Variants in ADGRB3 observed in about 807,000 individuals in gnomAD.
ADGRB3 encodes the protein adhesion G protein-coupled receptor B3.
A neutral mutation model predicts 193.4 loss-of-function variants in ADGRB3; 37 were observed. The ratio of observed to expected loss-of-function variants is 0.19; its 90% confidence interval spans 0.15 to 0.25. The LOEUF (loss-of-function observed/expected upper bound fraction) is 0.25, where lower values mean the gene tolerates loss of function less well. Ranked by LOEUF, ADGRB3 falls within the 10% of genes least tolerant of loss-of-function variation. ADGRB3 has a pLI of 1.00. For synonymous variants in ADGRB3, 690 were observed against 644.2 expected (o/e 1.07, Z -1.08); for missense variants, 1,637 against 1,852.9 (o/e 0.88, Z 2.14).
intron 18 of ADGRB3, among the ~76,000 whole-genome samples, chr6:69,234,765 G>T (rs941536810): frequency 1.3e-5 from 2 of 151,996 alleles, no homozygotes; most frequent in Admixed American, 6.6e-5. Flanking sequence ...CTTGATTTTC[G>T]AAAGTTATAA....
intron 17 of ADGRB3, among the ~76,000 whole-genome samples, chr6:69,096,774 A>G (rs1772891129): frequency 6.6e-6 from 1 of 152,188 alleles, no homozygotes; most frequent in Non-Finnish European, 1.5e-5. Flanking sequence ...GAAGATGACA[A>G]TACCTTTCTG....
In ADGRB3 at chr6:69,048,213, C is replaced by G; in HGVS notation, c.2136C>G (p.Ala712=). 2 of 1,612,642 alleles carry G rather than the reference C, an allele frequency of 1.2e-6. No individual in the cohort carries two copies. Among genetic ancestry groups the G allele is most frequent in the Non-Finnish European group, 1.7e-6 (2 of 1,179,474 alleles). Residue 712 remains alanine (A), a synonymous_variant, in exon 14 of 32, where the codon GCC becomes GCG. Transcript: ENST00000370598. ...VVASIQKLPA[A]SVLTDINFPM... The stretch of plus-strand genomic sequence containing the variant: ...CTAGTATTCAGAAGCTTCCTGCAGC[C>G]TCTGTTCTAACAGACATCAACTTTC...
intron 20 of ADGRB3, among the ~76,000 whole-genome samples, chr6:69,323,944 T>C (rs1316691202): frequency 1.2e-4 from 18 of 152,112 alleles, no homozygotes; most frequent in Admixed American, 1.1e-3. Flanking sequence ...CTACTGTCTT[T>C]GTTTTGCCAT....
At chr6:68,946,017 A>G (rs1025677869) in intron 6 of ADGRB3, among the ~76,000 whole-genome samples, 1 of 152,112 alleles carries the variant, frequency 6.6e-6, no homozygotes, top group African/African-American at 2.4e-5. Flanking sequence ...AGCCTAGCTC[A>G]TAGTCTCTCA....
intron 16 of ADGRB3, among the ~76,000 whole-genome samples, chr6:69,075,568 A>T (rs112817921): frequency 1.8e-4 from 27 of 152,274 alleles, no homozygotes; most frequent in African/African-American, 6.0e-4. Flanking sequence ...GCTGAAGAGG[A>T]GGTAGTGGTG....
chr6:68,708,371 G>A (rs1410200832), intron 3 of ADGRB3, among the ~76,000 whole-genome samples: 1 of 152,132 alleles, frequency 6.6e-6, no homozygotes, highest in Non-Finnish European at 1.5e-5. Context: ...ACCTCAAAAT[G>A]TATCTGGGGT....
At chr6:68,957,175 T>TG (rs1234162096) in intron 8 of ADGRB3, among the ~76,000 whole-genome samples, 1 of 152,246 alleles carries the variant, frequency 6.6e-6, no homozygotes, top group African/African-American at 2.4e-5. Context: ...TACATTTACT[T>TG]GCGTTTGCCC....
intron 17 of ADGRB3, among the ~76,000 whole-genome samples, chr6:69,090,618 G>A (rs1222693378): frequency 6.6e-6 from 1 of 152,174 alleles, no homozygotes; most frequent in Admixed American, 6.5e-5. Flanking sequence ...TAGTGAACAA[G>A]GTATAGGACT....
intron 13 of ADGRB3, among the ~76,000 whole-genome samples, chr6:69,021,570 T>C (rs750172848): frequency 4.2e-4 from 64 of 151,874 alleles, no homozygotes; most frequent in Non-Finnish European, 8.3e-4. Flanking sequence ...AACAAAGAAA[T>C]ACTTTTTCCT....
At chr6:68,806,751 A>G (rs1767408091) in intron 3 of ADGRB3, among the ~76,000 whole-genome samples, 1 of 152,036 alleles carries the variant, frequency 6.6e-6, no homozygotes, top group Admixed American at 6.6e-5. Flanking sequence ...TCTTAAATAT[A>G]CAGTAGAGTT....
chr6:69,149,928 G>GTA (rs1211385789), intron 17 of ADGRB3, among the ~76,000 whole-genome samples: 1 of 66,362 alleles, frequency 1.5e-5, no homozygotes, highest in Admixed American at 1.7e-4. Flanking sequence ...GTCTTTCTGT[G>GTA]TGTGTGTGTG....
intron 3 of ADGRB3, among the ~76,000 whole-genome samples, chr6:68,664,429 C>A (rs913957477): frequency 2.6e-5 from 4 of 151,678 alleles, no homozygotes; most frequent in African/African-American, 9.7e-5. Flanking sequence ...GAGATTATTG[C>A]CCTTACAAGA....
intron 20 of ADGRB3, among the ~76,000 whole-genome samples, chr6:69,286,683 C>G (rs1312163922): frequency 6.6e-6 from 1 of 152,096 alleles, no homozygotes. Flanking sequence ...AAACTAGAAA[C>G]TTGAATTAAA....
chr6:69,285,405 T>G (rs902117093), intron 20 of ADGRB3, among the ~76,000 whole-genome samples: 3 of 152,060 alleles, frequency 2.0e-5, no homozygotes, highest in Non-Finnish European at 2.9e-5. Flanking sequence ...GTCAGCCAGG[T>G]GCAGTGGGAT....
rs1326886861 is a variant in ADGRB3, at chr6:69,042,708, G to T, written c.2108-5477G>T. ...AAAACAGTACAGGTGACCATCTAGT[G>T]ATATTGAGTCATGTTTTCCACAAGC... On this transcript the variant is annotated intron_variant, in intron 13 of 31. Coordinates refer to ENST00000370598, the MANE Select transcript of ADGRB3 (RefSeq NM_001704.3). 5.9e-5 allele frequency among the ~76,000 whole-genome samples: 9 copies of T among 152,212 alleles called. No individual in the cohort carries two copies. In the East Asian group the frequency reaches 1.7e-3, roughly 29 times the overall value.
chr6:69,245,280 A>AATCTGACC (rs1432547398), intron 20 of ADGRB3, among the ~76,000 whole-genome samples: 1 of 152,038 alleles, frequency 6.6e-6, no homozygotes, highest in Non-Finnish European at 1.5e-5. Context: ...CAAAAATTCA[A>AATCTGACC]ATCTGACCAC....
In ADGRB3 at chr6:68,820,377, G is replaced by A. The variant is rs147878533; in HGVS notation, c.758-110182G>A. On this transcript the variant is annotated intron_variant, in intron 3 of 31. Coordinates refer to ENST00000370598, the MANE Select transcript of ADGRB3 (RefSeq NM_001704.3). ...TTAAGAGTATATAGTAGACATATAC[G>A]TATATGTATTTATGGGGAATATGCA... 1.1e-4 allele frequency among the ~76,000 whole-genome samples: 17 copies of A among 151,606 alleles called. No individual in the cohort carries two copies. In the Middle Eastern group the frequency reaches 0.01, roughly 91 times the overall value.
intron 17 of ADGRB3, among the ~76,000 whole-genome samples, chr6:69,090,994 A>T: frequency 6.6e-6 from 1 of 152,228 alleles, no homozygotes; most frequent in East Asian, 1.9e-4. Flanking sequence ...AAATGAACAG[A>T]CACTTCTAAA....
intron 3 of ADGRB3, among the ~76,000 whole-genome samples, chr6:68,683,429 C>A (rs1386664391): frequency 6.6e-6 from 1 of 152,016 alleles, no homozygotes. Flanking sequence ...AATTTGTTTG[C>A]ATCATTATTA....
Sources: gnomAD v4.1 joint callset for allele counts (sites outside exome capture counted in the v4.1 genomes callset) on GRCh38, gnomAD v4.1.1 for gene constraint, MANE v1.5 for transcripts, NCBI Gene and HGNC (gene_info 2026-07-23, HGNC 2026-07-21) for gene names.